SH3TC1: variants seen among roughly 807,000 people sequenced by gnomAD.
SH3TC1 encodes the protein SH3 domain and tetratricopeptide repeat-containing protein 1.
SH3TC1 carries 135 observed loss-of-function variants against 117.3 expected under a neutral mutation model. That is an observed-to-expected ratio of 1.15 (90% CI 1.00 to 1.33). The LOEUF (loss-of-function observed/expected upper bound fraction) is 1.33. SH3TC1 is among the 40% of genes most tolerant of loss of function. SH3TC1 has a pLI of 0.00. For missense variants in SH3TC1, 2,092 were observed against 1,794.3 expected, an observed-to-expected ratio of 1.17 and a Z score of -3.00; for synonymous variants, 898 against 816.9, an observed-to-expected ratio of 1.10 and a Z score of -1.69.
chr4:8,210,630 G>A lies in SH3TC1; in HGVS notation c.247+808G>A, dbSNP rs918416084. On this transcript the variant is annotated intron_variant, in intron 3 of 17. Coordinates refer to ENST00000245105, the MANE Select transcript of SH3TC1 (RefSeq NM_018986.5). This position sits in a 1 kb window ranked among gnomAD's most constrained non-coding sequence, Gnocchi z 4.1. ...CTACTAAAAATACAAAAATTAGCTGGCGCATGCCTGTAATCCCAGCTATTT... is the reference window on the plus strand; with the variant it reads ...CTACTAAAAATACAAAAATTAGCTGACGCATGCCTGTAATCCCAGCTATTT... Among the ~76,000 whole-genome samples, 4 of 151,850 alleles carry A rather than the reference G, an allele frequency of 2.6e-5. No homozygotes were observed. Among genetic ancestry groups the A allele is most frequent in the Non-Finnish European group, 5.9e-5 (4 of 68,000 alleles).
chr4:8,233,245 C>T (rs1721410185), intron 13 of SH3TC1, 118 bp from the exon 14 acceptor site: 17 of 1,461,510 alleles, frequency 1.2e-5, no homozygotes, highest in Admixed American at 2.6e-5. Flanking sequence ...ACACTGCACA[C>T]ACAAGAGGGC....
In SH3TC1 at chr4:8,218,241, G is replaced by T. The variant is rs752441931; in HGVS notation, c.840-30G>T. 3.8e-6 allele frequency: 6 copies of T among 1,581,990 alleles called. No homozygotes were observed. The East Asian group carries it at 1.1e-4, about 30-fold the overall frequency. On this transcript the variant is annotated intron_variant, in intron 7 of 17. Coordinates refer to ENST00000245105, the MANE Select transcript of SH3TC1 (RefSeq NM_018986.5). ...GTATCTGCCCCAAATCTGAAATCCC[G>T]CAGCAAAGACCTCCCTCTTCCGGCT...
chr4:8,231,500 G>A (rs953153291), intron 12 of SH3TC1: 47 of 161,812 alleles, frequency 2.9e-4, no homozygotes, highest in African/African-American at 9.8e-4. Context: ...AGGCCCGTGA[G>A]CCTGTGGGTT....
Position 8,228,486 on chromosome 4 carries a change from G to T in SH3TC1, c.2792G>T (p.Arg931Leu). ...CAGCACTACCTCCTGGAGGCCGTGC[G>T]GCTGTTCTCGAGGCTGCCCCTTGGG... ...LAQHYLLEAV[R>L]LFSRLPLGEC... is the part of the protein sequence containing the mutation. The change falls in exon 12 of 18, where the codon CGG (arginine) becomes CTG (leucine). Residue 931 changes from arginine to leucine, a missense_variant. By Grantham distance (102) the Arg-to-Leu change is moderately radical. Transcript: ENST00000245105. 1 of 1,610,852 alleles carries T rather than the reference G, an allele frequency of 6.2e-7. No homozygotes were observed. The highest frequency in any genetic ancestry group is 8.5e-7 in the Non-Finnish European group (1 of 1,179,216).
intron 17 of SH3TC1, 102 bp downstream of exon 17, chr4:8,237,772 C>G (rs939246174): frequency 1.2e-5 from 15 of 1,274,762 alleles, no homozygotes; most frequent in Non-Finnish European, 1.5e-5. Flanking sequence ...TTAAGAATGG[C>G]CCAGTGGCCT....
In SH3TC1 at chr4:8,218,347, G is replaced by T. The variant is rs771575106; in HGVS notation, c.916G>T (p.Ala306Ser). ...GPVMPGNPLM[A>S]VGLASALADF... ...TGTGATGCCCGGCAACCCGCTGATG[G>T]GTAAGTGTTTCCATGGGCCTCTCTT... Residue 306 changes from alanine to serine, a missense_variant and splice_region_variant, in exon 8 of 18, where the codon GCT (alanine) becomes TCT (serine). Physicochemically the swap from Ala to Ser is moderately conservative, Grantham distance 99. Transcript: ENST00000245105. 29 of 1,608,032 alleles carry T rather than the reference G, an allele frequency of 1.8e-5. No individual in the cohort carries two copies. Among genetic ancestry groups the T allele is most frequent in the African/African-American group, 2.7e-5 (2 of 74,808 alleles).
At chr4:8,219,679 C>G (rs958465611) in intron 9 of SH3TC1, 149 bp downstream of exon 9, 2 of 920,900 alleles carry the variant, frequency 2.2e-6, no homozygotes, top group Admixed American at 7.2e-5. Flanking sequence ...GGCTGCTGCC[C>G]CCTTGGCCCC....
chr4:8,230,791 T>A (rs1214363624), intron 12 of SH3TC1, among the ~76,000 whole-genome samples: 6 of 151,150 alleles, frequency 4.0e-5, no homozygotes, highest in African/African-American at 1.5e-4. Context: ...TGCTTTTTTT[T>A]TTTTTTTTTT....
At position 8,224,994 on chromosome 4, in the gene SH3TC1, C is replaced by A. The variant is rs1193972958; in HGVS notation, c.1244-181C>A. 139 of 687,488 alleles carry A rather than the reference C, an allele frequency of 2.0e-4. 1 individual carries two copies. The highest frequency in any genetic ancestry group is 3.0e-4 in the Non-Finnish European group (123 of 406,230). 42.6% of individuals were successfully genotyped at this position (687,488 alleles called of 1,614,324 possible). A position where few individuals can be genotyped will look rare whatever the true frequency, so the allele number is the denominator to read the frequency against. ...TGCACCTGACCCTGCAACACCTCAG[C>A]CTGCAACACCTGCACCCTGCAACAC... On this transcript the variant is annotated intron_variant, in intron 10 of 17. Transcript: ENST00000245105.
At chr4:8,240,651 A>T in intron 17 of SH3TC1, 47 bp from the exon 18 acceptor site, 1 of 1,609,120 alleles carries the variant, frequency 6.2e-7, no homozygotes, top group East Asian at 2.2e-5. Flanking sequence ...CTCTGGGGAG[A>T]CTGGCTCCGA....
In SH3TC1 at chr4:8,228,577, G is replaced by A. The variant is rs753786842; in HGVS notation, c.2883G>A (p.Pro961=). Residue 961 remains proline (P), a synonymous_variant, in exon 12 of 18, where the codon CCG becomes CCA. Coordinates refer to ENST00000245105, the MANE Select transcript of SH3TC1 (RefSeq NM_018986.5). The part of the protein sequence containing the change: ...QLGHLCTRQG[P]AQQGKGYYEW... ...GCCATCTCTGCACCCGCCAGGGCCC[G>A]GCCCAGCAGGGCAAGGGCTACTACG... The A allele has an allele frequency of 3.8e-6, 6 of 1,590,552 alleles. No homozygotes were observed. The highest frequency in any genetic ancestry group is 2.7e-5 in the African/African-American group (2 of 74,712).
chr4:8,231,876 G>A (rs933406265), intron 12 of SH3TC1, 100 bp from the exon 13 acceptor site: 10 of 1,385,146 alleles, frequency 7.2e-6, no homozygotes, highest in Non-Finnish European at 9.9e-6. Flanking sequence ...CAGGCTCACA[G>A]AGGTGTGAAA....
At chr4:8,217,213 G>A (rs1719382818) in intron 7 of SH3TC1, 46 bp downstream of exon 7, 1 of 1,555,278 alleles carries the variant, frequency 6.4e-7, no homozygotes. Context: ...GCCTCGCTGA[G>A]ACTCCCAGGC....
chr4:8,187,140 C>T (rs1336101438), intron 1 of SH3TC1, among the ~76,000 whole-genome samples: 1 of 152,154 alleles, frequency 6.6e-6, no homozygotes, highest in African/African-American at 2.4e-5. Flanking sequence ...CCTCTGCCAC[C>T]CAACGCCACT....
chr4:8,200,403 T>C (rs372570579), intron 1 of SH3TC1, among the ~76,000 whole-genome samples: 1 of 152,212 alleles, frequency 6.6e-6, no homozygotes, highest in African/African-American at 2.4e-5. Flanking sequence ...CCGCAGCTGA[T>C]GGCTCATCCG....
chr4:8,207,663 T>C (rs1162765538), intron 2 of SH3TC1, among the ~76,000 whole-genome samples: 1 of 152,258 alleles, frequency 6.6e-6, no homozygotes, highest in Non-Finnish European at 1.5e-5. Context: ...TGCATCTCCA[T>C]ACTATATACA....
intron 15 of SH3TC1, chr4:8,235,999 T>G (rs1052909079): frequency 2.1e-6 from 1 of 475,738 alleles, no homozygotes; most frequent in Non-Finnish European, 3.7e-6. Context: ...GTCGTGTTTT[T>G]AGAGCAGAGA....
chr4:8,240,781 C>A lies in SH3TC1; in HGVS notation c.3837C>A (p.Ile1279=). Residue 1279 remains isoleucine, a synonymous_variant, in exon 18 of 18, where the codon ATC becomes ATA. Coordinates refer to ENST00000245105, the MANE Select transcript of SH3TC1 (RefSeq NM_018986.5). ...GCAACAAGAAGGCACAGCTGAAGAT[C>A]TACACGCGGCTGGCCACCATCTACC... ...DLGNKKAQLK[I]YTRLATIYHN... The A allele has an allele frequency of 6.2e-7, 1 of 1,614,140 alleles. No individual in the cohort carries two copies. The highest frequency in any genetic ancestry group is 8.5e-7 in the Non-Finnish European group (1 of 1,180,040).
At position 8,186,798 on chromosome 4, in the gene SH3TC1, G is replaced by C. The variant is rs535808953; in HGVS notation, c.-57+4588G>C. Among the ~76,000 whole-genome samples, 1 of 152,182 alleles carries C rather than the reference G, an allele frequency of 6.6e-6. No individual in the cohort carries two copies. Among genetic ancestry groups the C allele is most frequent in the Non-Finnish European group, 1.5e-5 (1 of 68,012 alleles). Reference sequence around the variant, plus strand: ...ATCTCTACTAAAAATACAAAAATTAGCTGGGCGTGGTGGCGGGCACCTGTA... The same window carrying C: ...ATCTCTACTAAAAATACAAAAATTACCTGGGCGTGGTGGCGGGCACCTGTA... On this transcript the variant is annotated intron_variant, in intron 1 of 16. Coordinates refer to the SH3TC1 transcript ENST00000508641. The surrounding 1 kb of genome is among the most constrained non-coding windows in gnomAD (Gnocchi z 5.2).
Sources: allele counts gnomAD v4.1 joint callset (sites outside exome capture counted in the v4.1 genomes callset), GRCh38; gene constraint gnomAD v4.1.1; non-coding constraint Gnocchi (gnomAD v3.1); transcripts MANE v1.5; gene names NCBI Gene and HGNC (gene_info 2026-07-23, HGNC 2026-07-21).